EPHA5: variants seen among roughly 807,000 people sequenced by gnomAD.
The protein encoded by EPHA5 is ephrin type-A receptor 5.
In EPHA5, 60 loss-of-function variants were observed where a neutral mutation model predicts 105.0. The observed-to-expected ratio is 0.57, with a 90% CI of 0.46 to 0.71. EPHA5 has a LOEUF of 0.71. Among genes scored for constraint, EPHA5 ranks in the 30% least tolerant of loss-of-function variants. The pLI is 0.00. For synonymous variants in EPHA5, 513 were observed against 449.1 expected (o/e 1.14, Z -1.80); for missense variants, 1,218 against 1,274.7 (o/e 0.96, Z 0.68).
At chr4:65,490,255 G>A in intron 5 of EPHA5, 122 bp downstream of exon 5, 1 of 899,600 alleles carries the variant, frequency 1.1e-6, no homozygotes. Context: ...TATACTTTAA[G>A]TCCTGACCTT....
At chr4:65,645,962 T>C (rs1748079706) in intron 1 of EPHA5, among the ~76,000 whole-genome samples, 1 of 152,126 alleles carries the variant, frequency 6.6e-6, no homozygotes, top group South Asian at 2.1e-4. Context: ...AGAGTAAAAT[T>C]AGGCATTTTA....
chr4:65,575,633 C>G (rs1740820505), intron 3 of EPHA5, among the ~76,000 whole-genome samples: 1 of 152,078 alleles, frequency 6.6e-6, no homozygotes, highest in South Asian at 2.1e-4. Context: ...AGCCTAATAG[C>G]AATCTCACCT....
chr4:65,575,691 G>C (rs1000080861), intron 3 of EPHA5, among the ~76,000 whole-genome samples: 3 of 152,060 alleles, frequency 2.0e-5, no homozygotes, highest in Non-Finnish European at 2.9e-5. Flanking sequence ...ACTGCAGAAG[G>C]CTGCACGTGG....
intron 3 of EPHA5, among the ~76,000 whole-genome samples, chr4:65,589,732 G>A (rs1742454697): frequency 6.6e-6 from 1 of 152,088 alleles, no homozygotes; most frequent in Admixed American, 6.6e-5. Context: ...GAAGCTTTTA[G>A]CATTGGAAAA....
intron 5 of EPHA5, among the ~76,000 whole-genome samples, chr4:65,449,098 T>C (rs1726834803): frequency 6.6e-6 from 1 of 152,074 alleles, no homozygotes; most frequent in Non-Finnish European, 1.5e-5. Context: ...AAAAAATTCA[T>C]TGGGTTAAAA....
chr4:65,545,483 G>C (rs1411134808), intron 3 of EPHA5, among the ~76,000 whole-genome samples: 5 of 151,848 alleles, frequency 3.3e-5, no homozygotes, highest in Non-Finnish European at 7.4e-5. Flanking sequence ...GCTTATAAAA[G>C]AGAAAGAAAA....
At chr4:65,398,925 A>G (rs181680272) in intron 8 of EPHA5, among the ~76,000 whole-genome samples, 1 of 152,290 alleles carries the variant, frequency 6.6e-6, no homozygotes, top group East Asian at 1.9e-4. Context: ...CATGTACCTC[A>G]TTCTTCCTGA....
intron 5 of EPHA5, among the ~76,000 whole-genome samples, chr4:65,471,211 C>A (rs750064177): frequency 3.5e-4 from 53 of 152,102 alleles, no homozygotes; most frequent in Non-Finnish European, 6.8e-4. Flanking sequence ...TTTTAACAGT[C>A]CTAACTCCTA....
At chr4:65,461,503 T>A (rs140592345) in intron 5 of EPHA5, among the ~76,000 whole-genome samples, 1 of 152,182 alleles carries the variant, frequency 6.6e-6, no homozygotes, top group East Asian at 1.9e-4. Flanking sequence ...AAACTAATAA[T>A]TTCCTCAGCA....
chr4:65,526,329 G>A (rs1481072822), intron 3 of EPHA5, among the ~76,000 whole-genome samples: 2 of 151,696 alleles, frequency 1.3e-5, no homozygotes, highest in Non-Finnish European at 2.9e-5. Flanking sequence ...ATAGTTCAAG[G>A]TCTAGAATCC....
At chr4:65,648,378 G>A (rs867772292) in intron 1 of EPHA5, among the ~76,000 whole-genome samples, 1 of 152,154 alleles carries the variant, frequency 6.6e-6, no homozygotes, top group Non-Finnish European at 1.5e-5. Flanking sequence ...TAGACACATT[G>A]GAATGAAAGT....
intron 3 of EPHA5, among the ~76,000 whole-genome samples, chr4:65,581,675 G>C (rs370313330): frequency 1.3e-5 from 2 of 151,772 alleles, no homozygotes; most frequent in African/African-American, 4.8e-5. Context: ...ACAGTTACCA[G>C]GTTTTGAGTT....
intron 5 of EPHA5, among the ~76,000 whole-genome samples, chr4:65,445,528 C>A (rs1726436075): frequency 2.0e-5 from 3 of 152,002 alleles, no homozygotes; most frequent in African/African-American, 7.2e-5. Flanking sequence ...GGACTGTGAG[C>A]ATTATAAAGA....
intron 3 of EPHA5, among the ~76,000 whole-genome samples, chr4:65,551,276 GTGTGTATATA>G (rs1268917680): frequency 2.5e-4 from 25 of 100,676 alleles, no homozygotes; most frequent in Middle Eastern, 4.8e-3. Flanking sequence ...GTGTGTGTGT[GTGTGTATATA>G]TATATATATA....
chr4:65,444,042 T>A (rs1726277846), intron 5 of EPHA5, among the ~76,000 whole-genome samples: 1 of 152,294 alleles, frequency 6.6e-6, no homozygotes, highest in South Asian at 2.1e-4. Context: ...AGAAGTTGAC[T>A]CTTATTTGAA....
At chr4:65,393,713 T>C (rs981162303) in intron 8 of EPHA5, among the ~76,000 whole-genome samples, 13 of 152,232 alleles carry the variant, frequency 8.5e-5, no homozygotes, top group African/African-American at 3.1e-4. Context: ...AATGTTTTAA[T>C]ATCTGGGAAC....
At chr4:65,612,041 G>GAAAGA (rs35758516) in intron 2 of EPHA5, among the ~76,000 whole-genome samples, 1,754 of 119,506 alleles carry the variant, frequency 0.015, 43 homozygotes, top group African/African-American at 0.046. Context: ...AAAAAAAAAG[G>GAAAGA]AAAGAAAAGA....
chr4:65,492,846 A>G (rs1731546091), intron 4 of EPHA5, among the ~76,000 whole-genome samples: 2 of 152,174 alleles, frequency 1.3e-5, no homozygotes, highest in East Asian at 1.9e-4. Flanking sequence ...CTGGAAATAC[A>G]CGTGTTCTTG....
At position 65,457,871 on chromosome 4, in the gene EPHA5, C is replaced by CT. The variant is rs543543711; in HGVS notation, c.1402+32505dup. 5.9e-3 allele frequency among the ~76,000 whole-genome samples: 900 copies of CT among 151,744 alleles called. 7 individuals carry two copies. Among genetic ancestry groups the CT allele is most frequent in the African/African-American group, 0.021 (867 of 41,428 alleles). ...ATTTTTAAAGATTGCTTAAGAATAA[C>CT]TTTTTTTCCTAGCTAACAGGGTGAA... On this transcript the variant is annotated intron_variant, in intron 5 of 16. Transcript: ENST00000613740.
Sources: allele counts gnomAD v4.1 joint callset (sites outside exome capture counted in the v4.1 genomes callset), GRCh38; gene constraint gnomAD v4.1.1; transcripts MANE v1.5; gene names NCBI Gene and HGNC (gene_info 2026-07-23, HGNC 2026-07-21).